CELF2: variants seen among roughly 807,000 people sequenced by gnomAD.
The protein encoded by CELF2 is CUGBP Elav-like family member 2, also known as CUG triplet repeat RNA-binding protein 2.
CELF2 carries 8 observed loss-of-function variants against 62.6 expected under a neutral mutation model. The ratio of observed to expected loss-of-function variants is 0.13; its 90% CI spans 0.07 to 0.23. The LOEUF is 0.23. Among genes scored for constraint, CELF2 ranks in the 10% least tolerant of loss-of-function variants. CELF2 has a pLI of 1.00. For synonymous variants in CELF2, 258 were observed against 250.0 expected (o/e 1.03, Z -0.30); for missense variants, 333 against 671.0 (o/e 0.50, Z 5.56).
At chr10:10,721,489 A>G in the CELF2 span, among the ~76,000 whole-genome samples, 1 of 152,254 alleles carries the variant, frequency 6.6e-6, no homozygotes, top group Non-Finnish European at 1.5e-5. Context: ...TTGGAACAAA[A>G]TAATACTTCA....
At chr10:11,245,528 T>C (rs182018954) in intron 3 of CELF2, among the ~76,000 whole-genome samples, 111 of 152,320 alleles carry the variant, frequency 7.3e-4, no homozygotes, top group African/African-American at 2.6e-3. Context: ...CTCTGCGAAG[T>C]TGATTTTTCC....
the CELF2 span, among the ~76,000 whole-genome samples, chr10:10,534,225 A>AG: frequency 2.0e-5 from 3 of 151,402 alleles, no homozygotes; most frequent in Middle Eastern, 3.4e-3. Flanking sequence ...AAAAAAAAAA[A>AG]AAAAGAAAAA....
At chr10:10,895,576 C>G (rs1048356849) in intron 1 of CELF2, among the ~76,000 whole-genome samples, 2 of 152,104 alleles carry the variant, frequency 1.3e-5, no homozygotes, top group East Asian at 3.9e-4. Context: ...AAGGGTGTGG[C>G]TGGACAAACC....
At chr10:10,956,659 G>T (rs529474320) in intron 2 of CELF2, among the ~76,000 whole-genome samples, 5 of 152,280 alleles carry the variant, frequency 3.3e-5, no homozygotes, top group African/African-American at 4.8e-5. Flanking sequence ...TGGGCACAGT[G>T]GTTCAAGCTT....
the CELF2 span, among the ~76,000 whole-genome samples, chr10:10,470,658 T>G: frequency 6.6e-6 from 1 of 151,662 alleles, no homozygotes; most frequent in Non-Finnish European, 1.5e-5. Flanking sequence ...ATCTCCTACC[T>G]TTAATTCAAC....
At chr10:10,813,303 C>G (rs940943818) in intron 1 of CELF2, among the ~76,000 whole-genome samples, 2 of 152,138 alleles carry the variant, frequency 1.3e-5, no homozygotes, top group African/African-American at 4.8e-5. Context: ...TGCAATCCAT[C>G]CAGGGTGCAG....
At chr10:10,684,324 G>A in the CELF2 span, among the ~76,000 whole-genome samples, 1 of 152,170 alleles carries the variant, frequency 6.6e-6, no homozygotes, top group African/African-American at 2.4e-5. Flanking sequence ...AAGTGAGTTT[G>A]GAAACCAGAT....
chr10:10,714,682 A>G, the CELF2 span, among the ~76,000 whole-genome samples: 193 of 152,280 alleles, frequency 1.3e-3, no homozygotes, highest in African/African-American at 4.4e-3. Context: ...TGAGTTCTTT[A>G]GAAGGGATAC....
intron 1 of CELF2, among the ~76,000 whole-genome samples, chr10:10,862,752 T>C (rs2060120812): frequency 6.6e-6 from 1 of 152,202 alleles, no homozygotes; most frequent in African/African-American, 2.4e-5. Context: ...CTTTTATATT[T>C]TCAAATGCAG....
intron 1 of CELF2, among the ~76,000 whole-genome samples, chr10:10,841,623 T>C (rs1436049186): frequency 6.6e-6 from 1 of 152,142 alleles, no homozygotes; most frequent in Non-Finnish European, 1.5e-5. Context: ...TTGATCTTTA[T>C]GTCTATTCTT....
At chr10:10,793,199 C>G in the CELF2 span, among the ~76,000 whole-genome samples, 5 of 152,078 alleles carry the variant, frequency 3.3e-5, no homozygotes, top group Non-Finnish European at 5.9e-5. Context: ...GATGAAGGAC[C>G]AAAACACATA....
chr10:11,120,014 C>T (rs1407299008), intron 1 of CELF2, among the ~76,000 whole-genome samples: 3 of 151,996 alleles, frequency 2.0e-5, no homozygotes, highest in African/African-American at 7.3e-5. Context: ...TTTATGCTTC[C>T]ATTTCCCAGC....
At chr10:10,479,026 G>T in the CELF2 span, among the ~76,000 whole-genome samples, 5 of 152,136 alleles carry the variant, frequency 3.3e-5, no homozygotes, top group Non-Finnish European at 7.3e-5. Context: ...CTGACAGGTC[G>T]CTTGTCTGCT....
chr10:10,937,837 G>GTA (rs199767798), intron 2 of CELF2, among the ~76,000 whole-genome samples: 73 of 151,412 alleles, frequency 4.8e-4, no homozygotes, highest in East Asian at 4.1e-3. Flanking sequence ...GTGTATGAAT[G>GTA]TATATATATA....
Position 11,018,174 on chromosome 10 carries a change from C to G in CELF2, c.74+11C>G, listed in dbSNP as rs1214749286. The G allele has an allele frequency of 1.3e-6, 2 of 1,517,088 alleles. No homozygotes were observed. The highest frequency in any genetic ancestry group is 1.8e-6 in the Non-Finnish European group (2 of 1,129,180). The allele number at this position is 1,517,088 out of a possible 1,614,324, so 94.0% of individuals were successfully genotyped here. ...CGTTCCTGACAGAATGTGAGTGGCGCCGCGTCCCGAGGCCGGGCGAGCGGG... is the reference window on the plus strand; with the variant it reads ...CGTTCCTGACAGAATGTGAGTGGCGGCGCGTCCCGAGGCCGGGCGAGCGGG... On this transcript the variant is annotated intron_variant, in intron 1 of 12. Coordinates refer to ENST00000633077, the MANE Select transcript of CELF2 (RefSeq NM_001326342.2).
chr10:11,115,567 G>A (rs2056377499), intron 1 of CELF2, among the ~76,000 whole-genome samples: 1 of 152,178 alleles, frequency 6.6e-6, no homozygotes, highest in Non-Finnish European at 1.5e-5. Context: ...CATCACTGTT[G>A]ATTGGCGCCA....
At chr10:10,833,704 GA>G (rs929490202) in intron 1 of CELF2, among the ~76,000 whole-genome samples, 3 of 152,004 alleles carry the variant, frequency 2.0e-5, no homozygotes, top group South Asian at 4.2e-4. Context: ...ACAAGCATAT[GA>G]AAAAAAAGCT....
chr10:11,277,965 A>G (rs1423725906), intron 8 of CELF2, among the ~76,000 whole-genome samples: 1 of 152,260 alleles, frequency 6.6e-6, no homozygotes, highest in East Asian at 1.9e-4. Flanking sequence ...TACTATCACC[A>G]AAAAGTGAAA....
At chr10:10,632,857 C>T in the CELF2 span, among the ~76,000 whole-genome samples, 5 of 152,188 alleles carry the variant, frequency 3.3e-5, no homozygotes, top group Non-Finnish European at 7.3e-5. Context: ...ACTGTGCACA[C>T]ACACAGCTAC....
Sources: gnomAD v4.1 joint callset for allele counts (sites outside exome capture counted in the v4.1 genomes callset) on GRCh38, gnomAD v4.1.1 for gene constraint, MANE v1.5 for transcripts, NCBI Gene and HGNC (gene_info 2026-07-23, HGNC 2026-07-21) for gene names.